Variants in MBOAT1 observed in about 807,000 individuals in gnomAD.
The protein encoded by MBOAT1 is membrane bound glycerophospholipid O-acyltransferase 1, also known as membrane-bound glycerophospholipid O-acyltransferase 1.
A neutral mutation model predicts 64.4 loss-of-function variants in MBOAT1; 67 were observed. The observed-to-expected ratio is 1.04, with a 90% confidence interval of 0.85 to 1.27. The LOEUF (loss-of-function observed/expected upper bound fraction) is 1.27, where lower values mean the gene tolerates loss of function less well. Ranked by LOEUF, MBOAT1 falls within the 50% of genes most tolerant of loss-of-function variation. The probability of loss-of-function intolerance (pLI) is 0.00; values close to 1 mark genes in which losing one functional copy is unlikely to be tolerated. For missense variants in MBOAT1, 563 were observed against 604.6 expected (o/e 0.93, Z 0.72); for synonymous variants, 229 against 218.9 (o/e 1.05, Z -0.41).
intron 12 of MBOAT1, among the ~76,000 whole-genome samples, chr6:20,105,152 C>A (rs528074198): frequency 6.6e-6 from 1 of 152,322 alleles, no homozygotes; most frequent in East Asian, 1.9e-4. Flanking sequence ...AAAATATGCA[C>A]ATCCAAAATA....
Position 20,124,418 on chromosome 6 carries a change from T to G in MBOAT1, c.897A>C (p.Ala299=). The G allele has an allele frequency of 1.2e-6, 2 of 1,613,882 alleles. No individual in the cohort carries two copies. The highest frequency in any genetic ancestry group is 1.7e-6 in the Non-Finnish European group (2 of 1,179,870). ...MQASKPKYYF[A]WTLADAVNNA... ...CTCCATCAAACTTACCTAATGTCCATGCAAAGTAATACTTGGGCTTTGAGG... is the reference window on the plus strand; with the variant it reads ...CTCCATCAAACTTACCTAATGTCCAGGCAAAGTAATACTTGGGCTTTGAGG... Residue 299 remains alanine, a synonymous_variant, in exon 8 of 13, where the codon GCA becomes GCC. Coordinates refer to ENST00000324607, the MANE Select transcript of MBOAT1 (RefSeq NM_001080480.3).
chr6:20,145,035 T>C (rs1335524858), intron 3 of MBOAT1, among the ~76,000 whole-genome samples: 3 of 152,112 alleles, frequency 2.0e-5, no homozygotes, highest in African/African-American at 7.2e-5. Context: ...CATCCACATA[T>C]AAGTACTTGT....
Position 20,110,193 on chromosome 6 carries a change from G to A in MBOAT1, c.1210-444C>T, listed in dbSNP as rs956493509. Among the ~76,000 whole-genome samples the A allele has an allele frequency of 2.7e-5, 4 of 148,950 alleles. No individual in the cohort carries two copies. In the South Asian group the frequency reaches 8.6e-4, roughly 32 times the overall value. Reference sequence around the variant, plus strand: ...CAAAGTGCTGGGATTACAGGCGTGAGCCACCGCGCCCGGCCCAGGACTCTT... The same window carrying A: ...CAAAGTGCTGGGATTACAGGCGTGAACCACCGCGCCCGGCCCAGGACTCTT... On this transcript the variant is annotated intron_variant, in intron 11 of 12. Transcript: ENST00000324607.
chr6:20,197,289 G>A (rs1426039728), intron 1 of MBOAT1, among the ~76,000 whole-genome samples: 2 of 152,096 alleles, frequency 1.3e-5, no homozygotes, highest in Non-Finnish European at 1.5e-5. Flanking sequence ...TAAGCCAAAG[G>A]GAAGTCAGGC....
intron 11 of MBOAT1, among the ~76,000 whole-genome samples, chr6:20,111,876 A>ACC (rs1225892504): frequency 1.4e-5 from 2 of 139,562 alleles, no homozygotes; most frequent in African/African-American, 5.5e-5. Flanking sequence ...ATACATATAT[A>ACC]TATGTATATA....
At chr6:20,155,414 A>T (rs112384545) in intron 1 of MBOAT1, among the ~76,000 whole-genome samples, 427 of 151,426 alleles carry the variant, frequency 2.8e-3, no homozygotes, top group Non-Finnish European at 3.8e-3. Flanking sequence ...TTAACCTAAA[A>T]GTAATTGTGA....
At chr6:20,143,756 A>T (rs547679371) in intron 4 of MBOAT1, among the ~76,000 whole-genome samples, 8 of 152,280 alleles carry the variant, frequency 5.3e-5, no homozygotes, top group South Asian at 4.1e-4. Context: ...AAATTTTTTT[A>T]AAAAGTTTAA....
intron 9 of MBOAT1, among the ~76,000 whole-genome samples, chr6:20,117,935 A>G (rs1245661593): frequency 6.6e-6 from 1 of 152,218 alleles, no homozygotes; most frequent in Non-Finnish European, 1.5e-5. Context: ...AAGAATGAAG[A>G]CAGAGAGAAA....
intron 7 of MBOAT1, 123 bp from the exon 8 acceptor site, chr6:20,124,723 G>C: frequency 1.2e-6 from 1 of 806,682 alleles, no homozygotes; most frequent in Non-Finnish European, 2.0e-6. Context: ...TCCCCAGAAG[G>C]AGTGACAACA....
At chr6:20,180,995 T>G (rs778061047) in intron 1 of MBOAT1, among the ~76,000 whole-genome samples, 3 of 152,214 alleles carry the variant, frequency 2.0e-5, no homozygotes, top group African/African-American at 7.2e-5. Context: ...ATAATTAAAA[T>G]AGAAATACTA....
rs905616418 is a variant in MBOAT1, at chr6:20,165,986, A to G, written c.100-13217T>C. 2.0e-5 allele frequency among the ~76,000 whole-genome samples: 3 copies of G among 152,152 alleles called. No individual in the cohort carries two copies. In the South Asian group the frequency reaches 6.2e-4, roughly 32 times the overall value. On this transcript the variant is annotated intron_variant, in intron 1 of 12. Transcript: ENST00000324607. The stretch of plus-strand genomic sequence containing the variant: ...AATGCTCATTTAAAAAAAATGAACA[A>G]TACAGAGATGTACATGAGAGAAGTT...
At chr6:20,155,818 G>A (rs1384994822) in intron 1 of MBOAT1, among the ~76,000 whole-genome samples, 1 of 152,144 alleles carries the variant, frequency 6.6e-6, no homozygotes, top group Admixed American at 6.5e-5. Context: ...TAACCTCTAA[G>A]TAAGAGCTAT....
At position 20,124,390 on chromosome 6, in the gene MBOAT1, C is replaced by T. The variant is rs1211636855; in HGVS notation, c.907+18G>A. ...GCATTTTTCCCTCATTCAGTTACAGCTACTCCATCAAACTTACCTAATGTC... is the reference window on the plus strand; with the variant it reads ...GCATTTTTCCCTCATTCAGTTACAGTTACTCCATCAAACTTACCTAATGTC... On this transcript the variant is annotated intron_variant, in intron 8 of 12. Transcript: ENST00000324607. 1 of 1,608,662 alleles carries T rather than the reference C, an allele frequency of 6.2e-7. No individual in the cohort carries two copies. Among genetic ancestry groups the T allele is most frequent in the Admixed American group, 1.7e-5 (1 of 59,568 alleles).
At chr6:20,109,575 A>G (rs1760060296) in intron 12 of MBOAT1, 23 bp downstream of exon 12, 3 of 1,600,816 alleles carry the variant, frequency 1.9e-6, no homozygotes, top group Non-Finnish European at 2.6e-6. Flanking sequence ...ACGAGATGGC[A>G]ACTGAGAACA....
chr6:20,172,623 G>A (rs1762230963), intron 1 of MBOAT1, among the ~76,000 whole-genome samples: 1 of 151,892 alleles, frequency 6.6e-6, no homozygotes, highest in African/African-American at 2.4e-5. Flanking sequence ...CCCTGTTTTT[G>A]TGTGCTTAAG....
chr6:20,156,534 A>C (rs1313582746), intron 1 of MBOAT1, among the ~76,000 whole-genome samples: 1 of 152,232 alleles, frequency 6.6e-6, no homozygotes, highest in Non-Finnish European at 1.5e-5. Flanking sequence ...GGGTTCTAGC[A>C]GATATAGGAT....
chr6:20,185,330 T>G (rs936214780), intron 1 of MBOAT1, among the ~76,000 whole-genome samples: 1 of 152,212 alleles, frequency 6.6e-6, no homozygotes. Context: ...TACCCAGATA[T>G]TTGGTCAAAC....
chr6:20,111,851 T>TATATAC (rs1416030934), intron 11 of MBOAT1, among the ~76,000 whole-genome samples: 13 of 132,028 alleles, frequency 9.8e-5, no homozygotes, highest in Non-Finnish European at 1.4e-4. Flanking sequence ...TATATACATA[T>TATATAC]ATATATACAT....
intron 12 of MBOAT1, among the ~76,000 whole-genome samples, chr6:20,107,425 C>T (rs1257217419): frequency 6.6e-6 from 1 of 152,220 alleles, no homozygotes; most frequent in Non-Finnish European, 1.5e-5. Context: ...GCCTGCTTCA[C>T]TCCCACTGCA....
Sources: allele counts gnomAD v4.1 joint callset (sites outside exome capture counted in the v4.1 genomes callset), GRCh38; gene constraint gnomAD v4.1.1; transcripts MANE v1.5; gene names NCBI Gene and HGNC (gene_info 2026-07-23, HGNC 2026-07-21).